Variants in YBX1 observed in about 807,000 individuals in gnomAD.
YBX1 encodes Y-box binding protein 1, also known as Y-box-binding protein 1.
In YBX1, 3 loss-of-function variants were observed where a neutral mutation model predicts 41.4. That is an observed-to-expected ratio of 0.07 (90% CI 0.03 to 0.19). The LOEUF is 0.19. Among genes scored for constraint, YBX1 ranks in the 10% least tolerant of loss-of-function variants. YBX1 has a pLI of 1.00. For missense variants in YBX1, 274 were observed against 462.8 expected (o/e 0.59, Z 3.74); for synonymous variants, 133 against 165.8 (o/e 0.80, Z 1.52).
rs760046029 is a variant in YBX1 at position 42,696,342 on chromosome 1, G to C, written c.354+54G>C. Reference sequence around the variant, plus strand: ...ACTTCAGTATGGAAATATTTTGGAGGTCTCATCCATTAGGATGGTGGCTCT... The same window carrying C: ...ACTTCAGTATGGAAATATTTTGGAGCTCTCATCCATTAGGATGGTGGCTCT... On this transcript the variant is annotated intron_variant, in intron 4 of 7. Coordinates refer to ENST00000321358, the MANE Select transcript of YBX1 (RefSeq NM_004559.5). The surrounding 1 kb of genome is among the most constrained non-coding windows in gnomAD (Gnocchi z 5.7). The C allele has an allele frequency of 1.3e-6, 2 of 1,574,638 alleles. No homozygotes were observed. Among genetic ancestry groups the C allele is most frequent in the Non-Finnish European group, 1.7e-6 (2 of 1,150,222 alleles).
intron 2 of YBX1, among the ~76,000 whole-genome samples, chr1:42,687,291 T>C (rs945577731): frequency 2.1e-4 from 32 of 151,632 alleles, no homozygotes; most frequent in African/African-American, 7.5e-4. Context: ...TTTTAAAGGG[T>C]GATTTTTCTT....
chr1:42,686,630 T>C (rs538490953), intron 2 of YBX1, among the ~76,000 whole-genome samples: 2 of 152,332 alleles, frequency 1.3e-5, no homozygotes, highest in African/African-American at 4.8e-5. Context: ...AGTCTCCCTT[T>C]GGGGTGGGGG....
rs1650646586 is a variant in YBX1, at chr1:42,703,132, G to A, written c.*1183G>A. Among the ~76,000 whole-genome samples, 1 of 152,110 alleles carries A rather than the reference G, an allele frequency of 6.6e-6. No homozygotes were observed. The highest frequency in any genetic ancestry group is 2.1e-4 in the South Asian group (1 of 4,824). Reference sequence around the variant, plus strand: ...ATAGAGATGGGGTTGCACTGTGTTAGCCAGGATGGTCTTGATCTCTTGACC... The same window carrying A: ...ATAGAGATGGGGTTGCACTGTGTTAACCAGGATGGTCTTGATCTCTTGACC... On this transcript the variant is annotated 3_prime_UTR_variant, in exon 8 of 8. Coordinates refer to ENST00000321358, the MANE Select transcript of YBX1 (RefSeq NM_004559.5).
intron 2 of YBX1, among the ~76,000 whole-genome samples, chr1:42,687,102 T>A (rs34276891): frequency 0.056 from 8,508 of 152,270 alleles, 329 homozygotes; most frequent in Non-Finnish European, 0.087. Context: ...CACTATCTAC[T>A]TTGTGAAGTT....
Position 42,683,189 on chromosome 1 carries a change from G to C in YBX1, c.167-214G>C, listed in dbSNP as rs1249524479. On this transcript the variant is annotated intron_variant, in intron 1 of 7. Transcript: ENST00000321358. ...CGCACACACCCATCCTGGGGCCCGC[G>C]CCCCGGGCCTGCCCTGGAGCGCCCC... The C allele has an allele frequency of 2.3e-5, 15 of 665,264 alleles. No individual in the cohort carries two copies. The Admixed American group carries it at 3.2e-4, about 14-fold the overall frequency. The allele number at this position is 665,264 out of a possible 1,614,324, so 41.2% of individuals were successfully genotyped here.
At chr1:42,690,756 G>GC (rs574692955) in intron 2 of YBX1, among the ~76,000 whole-genome samples, 107 of 152,200 alleles carry the variant, frequency 7.0e-4, no homozygotes, top group Non-Finnish European at 1.4e-3. Flanking sequence ...ACTACCCTGT[G>GC]CCATTTAGAC....
chr1:42,697,383 G>A (rs1018535102), intron 6 of YBX1, 121 bp downstream of exon 6: 20 of 929,876 alleles, frequency 2.2e-5, no homozygotes, highest in African/African-American at 3.4e-5. Context: ...TCTTTCATCA[G>A]ATGCCTAAGA....
intron 2 of YBX1, among the ~76,000 whole-genome samples, chr1:42,691,510 C>T (rs562948705): frequency 6.6e-6 from 1 of 152,050 alleles, no homozygotes; most frequent in African/African-American, 2.4e-5. Flanking sequence ...CGCCACGTAA[C>T]TACTTTTAAT....
At chr1:42,699,672 GC>G (rs1422580363) in intron 6 of YBX1, among the ~76,000 whole-genome samples, 1 of 151,636 alleles carries the variant, frequency 6.6e-6, no homozygotes, top group African/African-American at 2.4e-5. Context: ...TGTTACTCAA[GC>G]AGTCTTGAAC....
intron 2 of YBX1, among the ~76,000 whole-genome samples, chr1:42,685,150 T>G (rs1650163279): frequency 1.3e-5 from 2 of 152,268 alleles, no homozygotes; most frequent in African/African-American, 4.8e-5. Flanking sequence ...TCGCTGCATT[T>G]TTTTTAAGTA....
intron 1 of YBX1, 197 bp from the exon 2 acceptor site, chr1:42,683,206 G>T: frequency 1.4e-6 from 1 of 707,534 alleles, no homozygotes; most frequent in South Asian, 1.5e-5. Context: ...GCCTGCCCTG[G>T]AGCGCCCCGC....
chr1:42,697,027 GATTCCTAGT>G, intron 5 of YBX1, 83 bp downstream of exon 5: 1 of 1,465,460 alleles, frequency 6.8e-7, no homozygotes. Flanking sequence ...AAGCAACTTG[GATTCCTAGT>G]AAGAACCAAA....
chr1:42,687,353 T>C (rs1232696611), intron 2 of YBX1, among the ~76,000 whole-genome samples: 5 of 120,704 alleles, frequency 4.1e-5, no homozygotes, highest in African/African-American at 9.8e-5. Context: ...GGCACGATCT[T>C]GGCTCACTGC....
At chr1:42,683,217 G>T (rs1392296130) in intron 1 of YBX1, 186 bp from the exon 2 acceptor site, 7 of 730,686 alleles carry the variant, frequency 9.6e-6, no homozygotes, top group Non-Finnish European at 1.7e-5. Flanking sequence ...AGCGCCCCGC[G>T]CTTCAGACTC....
In YBX1 at chr1:42,703,804, A is replaced by T. The variant is rs1650669191; in HGVS notation, c.*1855A>T. ...CCAACATTAAATGCAGTTTCAACTT[A>T]ATGATTTTCTGACTTGTGGTTTATG... On this transcript the variant is annotated 3_prime_UTR_variant, in exon 8 of 8. Coordinates refer to ENST00000321358, the MANE Select transcript of YBX1 (RefSeq NM_004559.5). 6.6e-6 allele frequency among the ~76,000 whole-genome samples: 1 copy of T among 152,232 alleles called. No individual in the cohort carries two copies. Among genetic ancestry groups the T allele is most frequent in the Non-Finnish European group, 1.5e-5 (1 of 68,046 alleles).
chr1:42,684,402 G>A (rs903858125), intron 2 of YBX1, among the ~76,000 whole-genome samples: 1 of 152,220 alleles, frequency 6.6e-6, no homozygotes, highest in Non-Finnish European at 1.5e-5. Flanking sequence ...TGGCCTCACA[G>A]GTATGGTACT....
rs1175755558 is a variant in YBX1, at chr1:42,696,397, A to G, written c.354+109A>G. On this transcript the variant is annotated intron_variant, in intron 4 of 7. Transcript: ENST00000321358. This position sits in a 1 kb window ranked among gnomAD's most constrained non-coding sequence, Gnocchi z 5.7. ...TGGATGGATGTGTTCAGGTGACCTC[A>G]TGAACACAGGTGCATCAAGCCTAAT... The G allele has an allele frequency of 7.8e-6, 9 of 1,151,272 alleles. No homozygotes were observed. Among genetic ancestry groups the G allele is most frequent in the Non-Finnish European group, 3.7e-6 (3 of 800,754 alleles). 71.3% of individuals were successfully genotyped at this position (1,151,272 alleles called of 1,614,324 possible).
At chr1:42,689,236 GAAGGGTGTTTAATAGAGAAGAA>G (rs570187662) in intron 2 of YBX1, among the ~76,000 whole-genome samples, 82 of 152,342 alleles carry the variant, frequency 5.4e-4, no homozygotes, top group African/African-American at 1.9e-3. Flanking sequence ...TGTTGGGTGT[GAAGGGTGTTTAATAGAGAAGAA>G]ATACAAAGAT....
At chr1:42,694,190 TTAACA>T (rs1650405732) in intron 3 of YBX1, among the ~76,000 whole-genome samples, 1 of 152,162 alleles carries the variant, frequency 6.6e-6, no homozygotes, top group African/African-American at 2.4e-5. Flanking sequence ...GAGAAAACTG[TTAACA>T]TAGGATGAGT....
Sources: allele counts gnomAD v4.1 joint callset (sites outside exome capture counted in the v4.1 genomes callset), GRCh38; gene constraint gnomAD v4.1.1; non-coding constraint Gnocchi (gnomAD v3.1); transcripts MANE v1.5; gene names NCBI Gene and HGNC (gene_info 2026-07-23, HGNC 2026-07-21).